CCDC180: variants seen among roughly 807,000 people sequenced by gnomAD.
CCDC180 encodes coiled-coil domain containing 180, also known as coiled-coil domain-containing protein 180.
In CCDC180, 154 loss-of-function variants were observed where a neutral mutation model predicts 209.2. The ratio of observed to expected loss-of-function variants is 0.74; its 90% CI spans 0.65 to 0.84. The LOEUF is 0.84. Among genes scored for constraint, CCDC180 ranks in the 40% least tolerant of loss-of-function variants. The probability of loss-of-function intolerance (pLI) is 0.00; values close to 1 mark genes in which losing one functional copy is unlikely to be tolerated. For synonymous variants in CCDC180, 778 were observed against 749.1 expected, an observed-to-expected ratio of 1.04 and a Z score of -0.63; for missense variants, 1,874 against 1,997.3, an observed-to-expected ratio of 0.94 and a Z score of 1.18.
At chr9:97,357,954 C>T (rs1309657016) in intron 25 of CCDC180, 5 of 441,012 alleles carry the variant, frequency 1.1e-5, no homozygotes, top group Non-Finnish European at 1.6e-5. Context: ...AAGCATGGAG[C>T]AGCGTCTAGT....
chr9:97,368,072 G>T (rs1209139863), intron 31 of CCDC180, among the ~76,000 whole-genome samples: 1 of 152,124 alleles, frequency 6.6e-6, no homozygotes, highest in Admixed American at 6.5e-5. Flanking sequence ...ACCCCTCTCT[G>T]GTAAACTCAC....
At position 97,323,054 on chromosome 9, in the gene CCDC180, C is replaced by T. The variant is rs894994337; in HGVS notation, c.1248+133C>T. On this transcript the variant is annotated intron_variant, in intron 12 of 36. Coordinates refer to ENST00000529487, the MANE Select transcript of CCDC180 (RefSeq NM_020893.6). ...TCACACCCACACACCCTTTAGCCTC[C>T]ATCCAAGCTTTTCTTCCTCATGGAA... 15 of 659,678 alleles carry T rather than the reference C, an allele frequency of 2.3e-5. No homozygotes were observed. The South Asian group carries it at 2.7e-4, about 12-fold the overall frequency. The allele number at this position is 659,678 out of a possible 1,614,324, so 40.9% of individuals were successfully genotyped here. A position where few individuals can be genotyped will look rare whatever the true frequency, so the allele number is the denominator to read the frequency against.
chr9:97,348,462 C>A (rs1826335657), intron 20 of CCDC180, among the ~76,000 whole-genome samples: 1 of 152,162 alleles, frequency 6.6e-6, no homozygotes, highest in Non-Finnish European at 1.5e-5. Context: ...GGCCCCTGAC[C>A]CAATACACAG....
Position 97,376,841 on chromosome 9 carries a change from T to C in CCDC180, c.4921T>C (p.Trp1641Arg). 3 of 1,613,414 alleles carry C rather than the reference T, an allele frequency of 1.9e-6. No individual in the cohort carries two copies. The highest frequency in any genetic ancestry group is 2.5e-6 in the Non-Finnish European group (3 of 1,179,968). ...CTSQIKEAQR[W>R]KDSWKQSLHT... ...ATCTCAGATAAAGGAGGCTCAGCGC[T>C]GGAAGGACAGCTGGAAGCAGTCCCT... Residue 1641 changes from tryptophan (W) to arginine (R), a missense_variant, in exon 37 of 37, where the codon TGG becomes CGG. By Grantham distance (101) the Trp-to-Arg change is moderately radical (BLOSUM62 -3). Coordinates refer to ENST00000529487, the MANE Select transcript of CCDC180 (RefSeq NM_020893.6).
chr9:97,358,338 C>T (rs900033116), intron 25 of CCDC180, among the ~76,000 whole-genome samples: 1 of 152,078 alleles, frequency 6.6e-6, no homozygotes. Flanking sequence ...CCAGGCTGGT[C>T]TCAAAACTCC....
intron 22 of CCDC180, 59 bp from the exon 23 acceptor site, chr9:97,354,510 G>T: frequency 1.3e-6 from 2 of 1,553,998 alleles, no homozygotes; most frequent in Non-Finnish European, 1.8e-6. Flanking sequence ...CAGTATTTGG[G>T]ATAGATGAGA....
intron 18 of CCDC180, among the ~76,000 whole-genome samples, chr9:97,333,527 T>TTGGTTTGTAGGCTA (rs1825812907): frequency 6.7e-6 from 1 of 150,092 alleles, no homozygotes; most frequent in Non-Finnish European, 1.5e-5. Context: ...TTTTTTTTTT[T>TTGGTTTGTAGGCTA]TTGGTTTGTA....
chr9:97,369,730 T>G (rs1295795247), intron 31 of CCDC180, 192 bp from the exon 32 acceptor site: 3 of 557,002 alleles, frequency 5.4e-6, no homozygotes, highest in Non-Finnish European at 9.4e-6. Context: ...TGTAAGCCAC[T>G]GCAGCTGGCT....
At chr9:97,359,820 G>T (rs570452816) in intron 25 of CCDC180, among the ~76,000 whole-genome samples, 162 bp from the exon 26 acceptor site, 146 of 152,176 alleles carry the variant, frequency 9.6e-4, no homozygotes, top group African/African-American at 3.4e-3. Flanking sequence ...AGCCAGCCCA[G>T]CCTTCCCCAC....
chr9:97,318,708 C>A, intron 10 of CCDC180, 126 bp downstream of exon 10: 2 of 1,322,474 alleles, frequency 1.5e-6, no homozygotes, highest in Non-Finnish European at 2.0e-6. Context: ...AGCTCTCTGG[C>A]CCTGGGCTGG....
At chr9:97,343,946 TGTATG>T (rs1438148983) in intron 19 of CCDC180, among the ~76,000 whole-genome samples, 1 of 152,222 alleles carries the variant, frequency 6.6e-6, no homozygotes, top group Non-Finnish European at 1.5e-5. Context: ...AAATATCTCA[TGTATG>T]GTATTTTGTA....
intron 11 of CCDC180, among the ~76,000 whole-genome samples, chr9:97,320,610 A>G (rs1206634964): frequency 6.6e-6 from 1 of 152,166 alleles, no homozygotes; most frequent in African/African-American, 2.4e-5. Flanking sequence ...CCTCCTCTGT[A>G]AAATAGGGAT....
chr9:97,355,709 A>G (rs535006477), intron 24 of CCDC180, among the ~76,000 whole-genome samples: 103 of 152,304 alleles, frequency 6.8e-4, no homozygotes, highest in African/African-American at 2.1e-3. Context: ...CTTAACCACA[A>G]ACAGGCCATC....
intron 16 of CCDC180, among the ~76,000 whole-genome samples, chr9:97,329,650 T>C (rs1405264802): frequency 6.6e-6 from 1 of 152,212 alleles, no homozygotes; most frequent in Non-Finnish European, 1.5e-5. Context: ...AAGGGTTTGC[T>C]AGCCTTCTTG....
At chr9:97,330,895 A>T in intron 18 of CCDC180, 128 bp downstream of exon 18, 1 of 944,744 alleles carries the variant, frequency 1.1e-6, no homozygotes, top group Non-Finnish European at 1.6e-6. Context: ...GAGAATTACA[A>T]AAATATTCAT....
rs531071873 is a variant in CCDC180 at position 97,361,535 on chromosome 9, G to T, written c.3484-191G>T. 9.2e-5 allele frequency among the ~76,000 whole-genome samples: 14 copies of T among 152,282 alleles called. No homozygotes were observed. The East Asian group carries it at 2.5e-3, about 27-fold the overall frequency. ...AAAATTTCTAAAGGCATGAATAAAC[G>T]GATGAATGAATGAATGGCTCTGTAA... On this transcript the variant is annotated intron_variant, in intron 26 of 36. Coordinates refer to ENST00000529487, the MANE Select transcript of CCDC180 (RefSeq NM_020893.6).
intron 21 of CCDC180, among the ~76,000 whole-genome samples, chr9:97,349,709 G>A (rs1826369818): frequency 6.6e-6 from 1 of 152,152 alleles, no homozygotes; most frequent in South Asian, 2.1e-4. Context: ...CTCAGTGTAG[G>A]AGCGTGCTCA....
At chr9:97,328,833 A>G (rs573635852) in intron 16 of CCDC180, among the ~76,000 whole-genome samples, 1 of 152,352 alleles carries the variant, frequency 6.6e-6, no homozygotes, top group South Asian at 2.1e-4. Context: ...GAACCCAACT[A>G]TAATATATTT....
intron 11 of CCDC180, among the ~76,000 whole-genome samples, chr9:97,322,477 T>G (rs2118615077): frequency 6.6e-6 from 1 of 152,334 alleles, no homozygotes; most frequent in South Asian, 2.1e-4. Flanking sequence ...CATTCCGTTT[T>G]TCAGGGATGA....
Sources: gnomAD v4.1 joint callset for allele counts (sites outside exome capture counted in the v4.1 genomes callset) on GRCh38, gnomAD v4.1.1 for gene constraint, MANE v1.5 for transcripts, NCBI Gene and HGNC (gene_info 2026-07-23, HGNC 2026-07-21) for gene names.